Variants in INSRR observed in about 807,000 individuals in gnomAD.
INSRR encodes insulin receptor related receptor.
INSRR carries 114 observed loss-of-function variants against 130.0 expected under a neutral mutation model. The ratio of observed to expected loss-of-function variants is 0.88; its 90% confidence interval spans 0.75 to 1.02. The LOEUF is 1.02. Among genes scored for constraint, INSRR ranks in the 50% least tolerant of loss-of-function variants. The pLI is 0.00. For synonymous variants in INSRR, 674 were observed against 705.2 expected, an observed-to-expected ratio of 0.96 and a Z score of 0.70; for missense variants, 1,657 against 1,735.2, an observed-to-expected ratio of 0.95 and a Z score of 0.80.
chr1:156,850,509 G>A (rs1489247318), intron 5 of INSRR, among the ~76,000 whole-genome samples: 3 of 145,368 alleles, frequency 2.1e-5, no homozygotes, highest in African/African-American at 5.1e-5. Context: ...CACCGTGCCC[G>A]ACCTGGATGG....
Position 156,845,197 on chromosome 1 carries a change from C to A in INSRR, c.2316G>T (p.Ala772=), listed in dbSNP as rs752160329. 1.2e-6 allele frequency: 2 copies of A among 1,609,396 alleles called. No homozygotes were observed. Among genetic ancestry groups the A allele is most frequent in the African/African-American group, 1.3e-5 (1 of 75,024 alleles). ...IQEDKVPRER[A]VLSGLRHFTE... is the part of the protein sequence containing the mutation. ...TGAAGTGGCGCAGGCCGCTCAGCAC[C>A]GCTCGCTCACGGGGCACCTTGTCCT... Residue 772 remains alanine, a synonymous_variant, in exon 12 of 22, where the codon GCG becomes GCT. Coordinates refer to ENST00000368195, the MANE Select transcript of INSRR (RefSeq NM_014215.3).
At position 156,844,635 on chromosome 1, in the gene INSRR, C is replaced by T. The variant is rs569755213; in HGVS notation, c.2575-11G>A. The T allele has an allele frequency of 6.2e-6, 10 of 1,613,946 alleles. No individual in the cohort carries two copies. The highest frequency in any genetic ancestry group is 5.3e-5 in the African/African-American group (4 of 75,044). ...CAGCACTGTGGCCTCCTGAGAGTAA[C>T]GCAGAACAGCTGGCTGGGAAGGCGA... On this transcript the variant is annotated splice_polypyrimidine_tract_variant and intron_variant, in intron 13 of 21. Transcript: ENST00000368195.
rs922703402 is a variant in INSRR at position 156,845,165 on chromosome 1, T to A, written c.2348A>T (p.Tyr783Phe). The A allele has an allele frequency of 1.2e-6, 2 of 1,611,562 alleles. No individual in the cohort carries two copies. The highest frequency in any genetic ancestry group is 1.7e-6 in the Non-Finnish European group (2 of 1,179,192). The change falls in exon 12 of 22, where the codon TAC becomes TTC. Residue 783 changes from tyrosine to phenylalanine, a missense_variant. Coordinates refer to ENST00000368195, the MANE Select transcript of INSRR (RefSeq NM_014215.3). ...VLSGLRHFTE[Y>F]RIDIHACNHA... is the part of the protein sequence containing the mutation. ...GTTGCAGGCATGGATGTCGATCCGG[T>A]ATTCCGTGAAGTGGCGCAGGCCGCT...
At position 156,841,464 on chromosome 1, in the gene INSRR, T is replaced by A. The variant is rs1558082920; in HGVS notation, c.3592A>T (p.Asn1198Tyr). Residue 1198 changes from asparagine to tyrosine, a missense_variant, in exon 21 of 22, where the codon AAT becomes TAT. Coordinates refer to ENST00000368195, the MANE Select transcript of INSRR (RefSeq NM_014215.3). ...ATGACGAACTTCAGCACCTGCTCAT[T>A]GGACAGGCCCTGGTAGGGTTGTTCT... Reference protein sequence around the residue: ...LAEQPYQGLSNEQVLKFVMDG... With the variant: ...LAEQPYQGLSYEQVLKFVMDG... 1 of 1,613,936 alleles carries A rather than the reference T, an allele frequency of 6.2e-7. No homozygotes were observed. The highest frequency in any genetic ancestry group is 2.2e-5 in the East Asian group (1 of 44,858).
chr1:156,852,180 G>C lies in INSRR; in HGVS notation c.649C>G (p.Pro217Ala). The C allele has an allele frequency of 6.3e-7, 1 of 1,598,428 alleles. No homozygotes were observed. Among genetic ancestry groups the C allele is most frequent in the Admixed American group, 1.7e-5 (1 of 59,392 alleles). Residue 217 changes from proline to alanine, a missense_variant, in exon 3 of 22, where the codon CCC becomes GCC. Transcript: ENST00000368195. ...SSHCQRVCPC[P>A]HGMACTARGE... ...CTCGCTGTGCAAGCCATCCCATGGG[G>C]GCAGGGGCACACTGTGGGGAGAGTG...
chr1:156,857,911 A>C (rs115699453), intron 1 of INSRR, among the ~76,000 whole-genome samples: 1 of 152,068 alleles, frequency 6.6e-6, no homozygotes, highest in African/African-American at 2.4e-5. Context: ...TTTAGTCTAT[A>C]TAGTCCCCCC....
In INSRR at chr1:156,851,988, C is replaced by T; in HGVS notation, c.841G>A (p.Ala281Thr). 6.2e-7 allele frequency: 1 copy of T among 1,611,170 alleles called. No homozygotes were observed. Among genetic ancestry groups the T allele is most frequent in the Non-Finnish European group, 8.5e-7 (1 of 1,178,060 alleles). ...CGGCCGGGCACAGAGTGCAGGCTGG[C>T]ACAGCGCTCAGCTGTGACACAGCGC... ...SWRCVTAERC[A>T]SLHSVPGRAS... The change falls in exon 3 of 22, where the codon GCC becomes ACC. Residue 281 changes from alanine (A) to threonine (T), a missense_variant. Ala to Thr is a moderately conservative substitution (Grantham distance 58). Transcript: ENST00000368195.
In INSRR at chr1:156,849,480, C is replaced by T. The variant is rs1229143147; in HGVS notation, c.1230-20G>A. ...TAGTTCCTGGGGGAGGCCAGGGGAC[C>T]TTGCTCTGCGGGGAGGTGGGGGCAG... is the stretch of plus-strand genomic sequence containing the variant. On this transcript the variant is annotated intron_variant, in intron 5 of 21. Transcript: ENST00000368195. The T allele has an allele frequency of 1.2e-5, 7 of 607,012 alleles. No individual in the cohort carries two copies. The highest frequency in any genetic ancestry group is 2.4e-5 in the African/African-American group (1 of 42,360). 37.6% of individuals were successfully genotyped at this position (607,012 alleles called of 1,614,324 possible). A position where few individuals can be genotyped will look rare whatever the true frequency, so the allele number is the denominator to read the frequency against.
chr1:156,840,843 T>A lies in INSRR; in HGVS notation c.*30A>T. On this transcript the variant is annotated 3_prime_UTR_variant, in exon 22 of 22. Transcript: ENST00000368195. ...GGTCGGGTCCCTTCCTGTCTCCCCATGGGAGGCCAGCCAGGGAATGAGGTG... is the reference window on the plus strand; with the variant it reads ...GGTCGGGTCCCTTCCTGTCTCCCCAAGGGAGGCCAGCCAGGGAATGAGGTG... 2 of 1,557,114 alleles carry A rather than the reference T, an allele frequency of 1.3e-6. No individual in the cohort carries two copies. Among genetic ancestry groups the A allele is most frequent in the Non-Finnish European group, 1.8e-6 (2 of 1,132,714 alleles).
chr1:156,845,093 G>T lies in INSRR; in HGVS notation c.2420C>A (p.Ala807Glu), dbSNP rs1415238849. The change falls in exon 12 of 22, where the codon GCG (alanine) becomes GAG (glutamate). Residue 807 changes from alanine (A) to glutamate (E), a missense_variant. Transcript: ENST00000368195. ...VGCSAATFVFARTMPHREADG... is the reference protein window; with the variant it reads ...VGCSAATFVFERTMPHREADG... ...TCACCTACTGTGGGGCATGGTGCGCGCAAAGACGAAGGTGGCGGCGCTGCA... is the reference window on the plus strand; with the variant it reads ...TCACCTACTGTGGGGCATGGTGCGCTCAAAGACGAAGGTGGCGGCGCTGCA... 2.5e-6 allele frequency: 4 copies of T among 1,608,316 alleles called. No homozygotes were observed. The highest frequency in any genetic ancestry group is 2.2e-5 in the South Asian group (2 of 90,062).
chr1:156,845,603 C>A lies in INSRR; in HGVS notation c.2174+16G>T. ...CCACTCATCAGACCCTCCCAGGCCG[C>A]GCGCGCTCTTCGCACATGGGGATGG... On this transcript the variant is annotated intron_variant, in intron 10 of 21. Transcript: ENST00000368195. The A allele has an allele frequency of 6.3e-7, 1 of 1,590,054 alleles. No individual in the cohort carries two copies.
rs35237064 is a variant in INSRR at position 156,850,534 on chromosome 1, C to CTTTTTT, written c.1229+750_1229+755dup. Among the ~76,000 whole-genome samples the CTTTTTT allele has an allele frequency of 3.2e-3, 189 of 58,640 alleles. 5 individuals carry two copies. The highest frequency in any genetic ancestry group is 3.8e-3 in the Non-Finnish European group (106 of 28,170). The allele number at this position is 58,640 out of a possible 152,430, so 38.5% of individuals were successfully genotyped here. A position where few individuals can be genotyped will look rare whatever the true frequency, so the allele number is the denominator to read the frequency against. ...GACCTGGATGGTAATTTAAAACATTCTTTTTTTTTTTTTTTTTTTTTTTTT... is the reference window on the plus strand; with the variant it reads ...GACCTGGATGGTAATTTAAAACATTCTTTTTTTTTTTTTTTTTTTTTTTTTTTTTTT... On this transcript the variant is annotated intron_variant, in intron 5 of 21. Transcript: ENST00000368195.
Position 156,848,964 on chromosome 1 carries a change from C to T in INSRR, c.1528G>A (p.Glu510Lys). Reference protein sequence around the residue: ...LLRWERYEPLEARDLLSFIVY... With the variant: ...LLRWERYEPLKARDLLSFIVY... The stretch of plus-strand genomic sequence containing the variant: ...ATGAAGCTGAGCAGGTCGCGGGCCT[C>T]CAGTGGCTCATAGCGCTCCCAGCGT... Residue 510 changes from glutamate to lysine, a missense_variant, in exon 7 of 22, where the codon GAG (glutamate) becomes AAG (lysine). Glu to Lys is a moderately conservative substitution (Grantham distance 56). Transcript: ENST00000368195. The T allele has an allele frequency of 6.2e-7, 1 of 1,604,472 alleles. No individual in the cohort carries two copies. Among genetic ancestry groups the T allele is most frequent in the Admixed American group, 1.7e-5 (1 of 58,606 alleles).
intron 10 of INSRR, 44 bp from the exon 11 acceptor site, chr1:156,845,457 C>T (rs776217590): frequency 1.3e-6 from 2 of 1,522,750 alleles, no homozygotes; most frequent in East Asian, 4.5e-5. Context: ...TCCGGATGCA[C>T]CCCTGTGCCC....
rs557498954 is a variant in INSRR, at chr1:156,849,464, G to C, written c.1230-4C>G. The C allele has an allele frequency of 8.1e-6, 13 of 1,604,174 alleles. No homozygotes were observed. In the East Asian group the frequency reaches 1.1e-4, roughly 14 times the overall value. On this transcript the variant is annotated splice_region_variant and splice_polypyrimidine_tract_variant and intron_variant, in intron 5 of 21. Transcript: ENST00000368195. ...CAGCACGTAGAGAGTGTAGTTCCTG[G>C]GGGAGGCCAGGGGACCTTGCTCTGC...
chr1:156,843,143 C>T lies in INSRR; in HGVS notation c.2987G>A (p.Gly996Glu), dbSNP rs756630565. 2.5e-6 allele frequency: 4 copies of T among 1,613,972 alleles called. No homozygotes were observed. Among genetic ancestry groups the T allele is most frequent in the Non-Finnish European group, 3.4e-6 (4 of 1,180,052 alleles). Reference sequence around the variant, plus strand: ...TCCAGCCTCAAGTCCTCGTGCCAGCCCCTCATATACCATCCCAAAAGAGCC... The same window carrying T: ...TCCAGCCTCAAGTCCTCGTGCCAGCTCCTCATATACCATCCCAAAAGAGCC... ...GQGSFGMVYEGLARGLEAGEE... is the reference protein window; with the variant it reads ...GQGSFGMVYEELARGLEAGEE... Residue 996 changes from glycine (G) to glutamate (E), a missense_variant, in exon 17 of 22, where the codon GGG (glycine) becomes GAG (glutamate). Coordinates refer to ENST00000368195, the MANE Select transcript of INSRR (RefSeq NM_014215.3).
At chr1:156,841,575 C>A (rs755143958) in intron 20 of INSRR, 47 bp from the exon 21 acceptor site, 58 of 1,612,204 alleles carry the variant, frequency 3.6e-5, no homozygotes, top group Non-Finnish European at 4.9e-5. Flanking sequence ...TCGTGCTACT[C>A]AGTGCATTCC....
At chr1:156,842,743 C>G (rs1654845599) in intron 17 of INSRR, among the ~76,000 whole-genome samples, 1 of 152,168 alleles carries the variant, frequency 6.6e-6, no homozygotes. Context: ...TGAGCCCAAT[C>G]AGGACTCTAA....
At chr1:156,849,149 A>G (rs1399448115) in intron 6 of INSRR, 97 bp downstream of exon 6, 5 of 1,594,196 alleles carry the variant, frequency 3.1e-6, no homozygotes, top group Non-Finnish European at 4.3e-6. Context: ...TCTGAGGAGA[A>G]CTTCTCAGAG....
Sources: gnomAD v4.1 joint callset for allele counts (sites outside exome capture counted in the v4.1 genomes callset) on GRCh38, gnomAD v4.1.1 for gene constraint, MANE v1.5 for transcripts, NCBI Gene and HGNC (gene_info 2026-07-23, HGNC 2026-07-21) for gene names.